The following CYB5A variants were observed in gnomAD, a reference collection of about 807,000 sequenced individuals.
CYB5A encodes cytochrome b5 type A.
In CYB5A, 10 loss-of-function variants were observed where a neutral mutation model predicts 16.2. That is an observed-to-expected ratio of 0.62 (90% CI 0.38 to 1.04). CYB5A has a LOEUF of 1.04. CYB5A is among the 50% of genes least tolerant of loss of function. CYB5A has a pLI of 0.01. For synonymous variants in CYB5A, 62 were observed against 57.0 expected (o/e 1.09, Z -0.40); for missense variants, 161 against 165.9 (o/e 0.97, Z 0.16).
At chr18:74,279,455 G>A (rs1026664256) in intron 1 of CYB5A, among the ~76,000 whole-genome samples, 3 of 152,222 alleles carry the variant, frequency 2.0e-5, no homozygotes, top group African/African-American at 4.8e-5. Context: ...GCTTGAACCC[G>A]GGAGGCAGAA....
At chr18:74,256,120 C>T (rs1249222557) in intron 3 of CYB5A, 4 of 219,388 alleles carry the variant, frequency 1.8e-5, no homozygotes, top group Non-Finnish European at 3.6e-5. Context: ...TCCCACGTCA[C>T]CTTTAGAAAA....
chr18:74,280,068 A>C lies in CYB5A; in HGVS notation c.129+11679T>G, dbSNP rs77185199. Among the ~76,000 whole-genome samples, 769 of 152,278 alleles carry C rather than the reference A, an allele frequency of 5.0e-3. 7 individuals carry two copies. The highest frequency in any genetic ancestry group is 0.018 in the African/African-American group (731 of 41,554). ...GCAGCATAACTGGGCTCAGCAGTGC[A>C]GGGGGCTGGGGTAATATCCAGGCTT... is the stretch of plus-strand genomic sequence containing the variant. On this transcript the variant is annotated intron_variant, in intron 1 of 4. Coordinates refer to ENST00000340533, the MANE Select transcript of CYB5A (RefSeq NM_148923.4).
At position 74,252,139 on chromosome 18, in the gene CYB5A, A is replaced by G. The variant is rs1300759881; in HGVS notation, c.*1445T>C. On this transcript the variant is annotated 3_prime_UTR_variant, in exon 5 of 5. Transcript: ENST00000340533. ...AAAGAAGGCAAAGGCGGTGCATCCT[A>G]TTTGATTATAAAGGTTGTACTCTGT... is the stretch of plus-strand genomic sequence containing the variant. The G allele has an allele frequency of 6.6e-6, 1 of 152,226 alleles. No individual in the cohort carries two copies. Among genetic ancestry groups the G allele is most frequent in the African/African-American group, 2.4e-5 (1 of 41,452 alleles). The allele number at this position is 152,226 out of a possible 1,614,324, so 9.4% of individuals were successfully genotyped here.
chr18:74,252,973 G>A lies in CYB5A; in HGVS notation c.*611C>T, dbSNP rs1160018953. On this transcript the variant is annotated 3_prime_UTR_variant, in exon 5 of 5. Coordinates refer to ENST00000340533, the MANE Select transcript of CYB5A (RefSeq NM_148923.4). ...CCACCTCAGCCTCCCAAAGTGCTGG[G>A]CTTACAGGTGTGAGCCACGATGCCC... 1 of 155,276 alleles carries A rather than the reference G, an allele frequency of 6.4e-6. No individual in the cohort carries two copies. The highest frequency in any genetic ancestry group is 2.4e-5 in the African/African-American group (1 of 41,450). 9.6% of individuals were successfully genotyped at this position (155,276 alleles called of 1,614,324 possible).
chr18:74,286,241 T>C (rs2145085441), intron 1 of CYB5A, among the ~76,000 whole-genome samples: 2 of 152,376 alleles, frequency 1.3e-5, no homozygotes, highest in Middle Eastern at 6.8e-3. Context: ...TCCACTTCCT[T>C]AACATGATCA....
chr18:74,289,243 C>T (rs1274878508), intron 1 of CYB5A, among the ~76,000 whole-genome samples: 1 of 152,240 alleles, frequency 6.6e-6, no homozygotes, highest in Non-Finnish European at 1.5e-5. Context: ...TTGCTCTCAT[C>T]TCTCAGTTTT....
At chr18:74,256,542 G>C (rs747752525) in intron 3 of CYB5A, 2 of 471,222 alleles carry the variant, frequency 4.2e-6, no homozygotes, top group South Asian at 4.3e-5. Context: ...CAGCTGAAAA[G>C]CTAAGGTCTA....
intron 1 of CYB5A, among the ~76,000 whole-genome samples, chr18:74,276,490 C>A (rs574506938): frequency 1.3e-5 from 2 of 151,576 alleles, no homozygotes; most frequent in East Asian, 3.9e-4. Flanking sequence ...TTGTCATCTG[C>A]CCTGCCTTTC....
rs377190279 is a variant in CYB5A at position 74,275,922 on chromosome 18, C to T, written c.130-12445G>A. ...AGTAGGGTGGCCAGGGAGGACCCGG[C>T]GGTGCGCAGACCAGATACCCCAACA... On this transcript the variant is annotated intron_variant, in intron 1 of 4. Coordinates refer to ENST00000340533, the MANE Select transcript of CYB5A (RefSeq NM_148923.4). 1.7e-4 allele frequency among the ~76,000 whole-genome samples: 26 copies of T among 152,270 alleles called. No individual in the cohort carries two copies. In the East Asian group the frequency reaches 2.1e-3, roughly 12 times the overall value.
intron 4 of CYB5A, among the ~76,000 whole-genome samples, chr18:74,254,090 G>T (rs768626783): frequency 6.6e-6 from 1 of 152,190 alleles, no homozygotes. Context: ...TGGGGCAGGA[G>T]AATCGCTTGA....
chr18:74,262,965 C>T (rs1982268873), intron 2 of CYB5A, among the ~76,000 whole-genome samples: 1 of 152,046 alleles, frequency 6.6e-6, no homozygotes, highest in East Asian at 1.9e-4. Context: ...GCCTGGGCAA[C>T]ACGGTGAAAC....
At chr18:74,257,327 G>A in intron 3 of CYB5A, 1 of 170,460 alleles carries the variant, frequency 5.9e-6, no homozygotes, top group East Asian at 1.7e-4. Flanking sequence ...ACTCTAAAGA[G>A]GGGAACTTGA....
chr18:74,263,386 T>G lies in CYB5A; in HGVS notation c.221A>C (p.Glu74Ala). Reference sequence around the variant, plus strand: ...CCCAATGATGAATGTTTTGGACATTTCCCTGGCATCTGTAGAGTGCCCGAC... The same window carrying G: ...CCCAATGATGAATGTTTTGGACATTGCCCTGGCATCTGTAGAGTGCCCGAC... ...EDVGHSTDAR[E>A]MSKTFIIGEL... is the part of the protein sequence containing the mutation. Residue 74 changes from glutamate (E) to alanine (A), a missense_variant, in exon 2 of 5, where the codon GAA (glutamate) becomes GCA (alanine). Transcript: ENST00000340533. The G allele has an allele frequency of 6.2e-7, 1 of 1,614,128 alleles. No individual in the cohort carries two copies. Among genetic ancestry groups the G allele is most frequent in the East Asian group, 2.2e-5 (1 of 44,876 alleles).
chr18:74,254,425 A>T (rs1267180726), intron 4 of CYB5A, among the ~76,000 whole-genome samples: 3 of 151,144 alleles, frequency 2.0e-5, no homozygotes, highest in Admixed American at 6.6e-5. Flanking sequence ...AAAAAGCCTA[A>T]ATTTACAGTC....
intron 1 of CYB5A, among the ~76,000 whole-genome samples, chr18:74,278,155 G>A (rs906697381): frequency 2.0e-5 from 3 of 152,170 alleles, no homozygotes; most frequent in Admixed American, 6.5e-5. Flanking sequence ...TTTACAGACA[G>A]AGGTGACGGA....
intron 1 of CYB5A, among the ~76,000 whole-genome samples, chr18:74,271,591 C>G (rs1434187372): frequency 6.6e-6 from 1 of 152,116 alleles, no homozygotes; most frequent in Non-Finnish European, 1.5e-5. Flanking sequence ...TACACATATA[C>G]ATTGTGAAAT....
intron 1 of CYB5A, among the ~76,000 whole-genome samples, chr18:74,271,794 AC>A (rs1469816647): frequency 6.6e-6 from 1 of 152,206 alleles, no homozygotes; most frequent in African/African-American, 2.4e-5. Flanking sequence ...TTTGCCACAA[AC>A]AAAACTACTC....
Position 74,252,781 on chromosome 18 carries a change from A to C in CYB5A, c.*803T>G, listed in dbSNP as rs1981816110. 1 of 152,076 alleles carries C rather than the reference A, an allele frequency of 6.6e-6. No homozygotes were observed. Among genetic ancestry groups the C allele is most frequent in the African/African-American group, 2.4e-5 (1 of 41,366 alleles). The allele number at this position is 152,076 out of a possible 1,614,324, so 9.4% of individuals were successfully genotyped here. A position where few individuals can be genotyped will look rare whatever the true frequency, so the allele number is the denominator to read the frequency against. Reference sequence around the variant, plus strand: ...TTCAACGGCGCGATCTCAGCTCACTACAACCTCTGCCTCCTGGGTTCAAGC... The same window carrying C: ...TTCAACGGCGCGATCTCAGCTCACTCCAACCTCTGCCTCCTGGGTTCAAGC... On this transcript the variant is annotated 3_prime_UTR_variant, in exon 5 of 5. Coordinates refer to ENST00000340533, the MANE Select transcript of CYB5A (RefSeq NM_148923.4).
intron 4 of CYB5A, among the ~76,000 whole-genome samples, chr18:74,254,472 A>G (rs1981889268): frequency 1.3e-5 from 2 of 151,020 alleles, no homozygotes; most frequent in South Asian, 4.2e-4. Flanking sequence ...ATTACAGATT[A>G]CAAATCAAAT....
Sources: gnomAD v4.1 joint callset for allele counts (sites outside exome capture counted in the v4.1 genomes callset) on GRCh38, gnomAD v4.1.1 for gene constraint, MANE v1.5 for transcripts, NCBI Gene and HGNC (gene_info 2026-07-23, HGNC 2026-07-21) for gene names.